Variants in TRAK1 observed in about 807,000 individuals in gnomAD.
TRAK1 encodes the protein trafficking kinesin protein 1.
TRAK1 carries 33 observed loss-of-function variants against 92.1 expected under a neutral mutation model. That is an observed-to-expected ratio of 0.36 (90% confidence interval 0.27 to 0.48). The LOEUF (loss-of-function observed/expected upper bound fraction) is 0.48, where lower values mean the gene tolerates loss of function less well. TRAK1 is among the 20% of genes least tolerant of loss of function. The probability of loss-of-function intolerance (pLI) is 0.99; values close to 1 mark genes in which losing one functional copy is unlikely to be tolerated. For missense variants in TRAK1, 1,123 were observed against 1,257.9 expected, an observed-to-expected ratio of 0.89 and a Z score of 1.62; for synonymous variants, 521 against 517.3, an observed-to-expected ratio of 1.01 and a Z score of -0.10.
rs1429261019 is a variant in TRAK1 at position 42,140,624 on chromosome 3, C to T, written c.286+15010C>T. 2.0e-5 allele frequency among the ~76,000 whole-genome samples: 3 copies of T among 152,214 alleles called. 1 individual carries two copies. Among genetic ancestry groups the T allele is most frequent in the African/African-American group, 7.2e-5 (3 of 41,462 alleles). On this transcript the variant is annotated intron_variant, in intron 2 of 15. Transcript: ENST00000327628. The stretch of plus-strand genomic sequence containing the variant: ...CCTGGGCGACAGAGTGAGACTCCAT[C>T]TCTGAATAAATGAATAAAATAAAGA...
chr3:42,082,659 A>G (rs2148952773), upstream of TRAK1, among the ~76,000 whole-genome samples: 1 of 152,086 alleles, frequency 6.6e-6, no homozygotes, highest in African/African-American at 2.4e-5. Context: ...CCTTTGTTAA[A>G]AAAAAAAACA....
intron 10 of TRAK1, among the ~76,000 whole-genome samples, chr3:42,197,668 T>A (rs1209831315): frequency 6.6e-6 from 1 of 152,200 alleles, no homozygotes; most frequent in East Asian, 1.9e-4. Context: ...TTACTGGACA[T>A]AACGTTTAAT....
chr3:42,159,370 G>A (rs1246420130), intron 2 of TRAK1, among the ~76,000 whole-genome samples: 4 of 152,138 alleles, frequency 2.6e-5, no homozygotes, highest in Non-Finnish European at 4.4e-5. Context: ...TACAGAATGA[G>A]CTGTGATTCT....
In TRAK1 at chr3:42,202,613, C is replaced by T. The variant is rs375194394; in HGVS notation, c.1605C>T (p.Ser535=). 117 of 1,598,798 alleles carry T rather than the reference C, an allele frequency of 7.3e-5. No homozygotes were observed. Among genetic ancestry groups the T allele is most frequent in the Middle Eastern group, 1.7e-4 (1 of 6,042 alleles). Residue 535 remains serine, a synonymous_variant, in exon 13 of 16, where the codon AGC becomes AGT. Transcript: ENST00000327628. This position sits in a 1 kb window ranked among gnomAD's most constrained non-coding sequence, Gnocchi z 6.1. ...TGGCGGAGAAGGGCGAGCTGCGCAG[C>T]GGCTCCCTCACACCCACTGAGAGCA... The part of the protein sequence containing the change: ...QELAEKGELR[S]GSLTPTESIM...
At chr3:42,135,554 C>T (rs886708738) in intron 2 of TRAK1, among the ~76,000 whole-genome samples, 1 of 152,112 alleles carries the variant, frequency 6.6e-6, no homozygotes, top group African/African-American at 2.4e-5. Context: ...AAACGAGACC[C>T]CATCTCTACA....
At chr3:42,151,620 A>G (rs1054973494) in intron 2 of TRAK1, among the ~76,000 whole-genome samples, 1 of 152,204 alleles carries the variant, frequency 6.6e-6, no homozygotes, top group African/African-American at 2.4e-5. Flanking sequence ...GGAATAAAGG[A>G]ACAGAAGTCC....
chr3:42,199,625 TA>T (rs985187473), intron 11 of TRAK1, among the ~76,000 whole-genome samples: 1 of 152,108 alleles, frequency 6.6e-6, no homozygotes, highest in African/African-American at 2.4e-5. Flanking sequence ...CCAGCTAATT[TA>T]AAAAAATCTT....
chr3:42,114,772 G>A (rs745774425), intron 1 of TRAK1, among the ~76,000 whole-genome samples: 14 of 151,514 alleles, frequency 9.2e-5, no homozygotes, highest in Non-Finnish European at 1.6e-4. Flanking sequence ...GAGTGCAATC[G>A]TGCGATCTCA....
intron 2 of TRAK1, among the ~76,000 whole-genome samples, chr3:42,146,731 T>G (rs571781709): frequency 6.6e-6 from 1 of 152,274 alleles, no homozygotes; most frequent in South Asian, 2.1e-4. Flanking sequence ...GTTTTAAAAT[T>G]TTTTTGTAGA....
chr3:42,129,954 CTG>C lies in TRAK1; in HGVS notation c.286+4342_286+4343del, dbSNP rs1252684338. Among the ~76,000 whole-genome samples the C allele has an allele frequency of 2.6e-5, 4 of 152,122 alleles. No individual in the cohort carries two copies. In the South Asian group the frequency reaches 8.3e-4, roughly 32 times the overall value. On this transcript the variant is annotated intron_variant, in intron 2 of 15. Transcript: ENST00000327628. ...CCCATCAAAACCTTAGTTTCAAAAT[CTG>C]TCAGTAGCTTATTTATTTATAAATA...
At chr3:42,203,694 G>A in intron 13 of TRAK1, 2 of 985,112 alleles carry the variant, frequency 2.0e-6, no homozygotes, top group Non-Finnish European at 1.2e-6. Context: ...CTTCTGTAAG[G>A]CAGAACTTTC....
At chr3:42,067,407 A>G (rs754101557) in intron 1 of TRAK1, among the ~76,000 whole-genome samples, 1 of 152,246 alleles carries the variant, frequency 6.6e-6, no homozygotes, top group African/African-American at 2.4e-5. Flanking sequence ...TCGATCCTAC[A>G]GTGAAGTCAA....
intron 1 of TRAK1, among the ~76,000 whole-genome samples, chr3:42,078,896 A>C (rs982624225): frequency 1.3e-5 from 2 of 152,104 alleles, no homozygotes; most frequent in African/African-American, 4.8e-5. Flanking sequence ...AAATCTGGAG[A>C]GAAGCCTCCA....
intron 1 of TRAK1, among the ~76,000 whole-genome samples, chr3:42,056,051 G>T (rs1239695606): frequency 6.6e-6 from 1 of 152,074 alleles, no homozygotes; most frequent in Non-Finnish European, 1.5e-5. Flanking sequence ...CCATTGTTAT[G>T]TATTTTTAAT....
intron 1 of TRAK1, among the ~76,000 whole-genome samples, chr3:42,024,340 A>T (rs1701840218): frequency 6.6e-6 from 1 of 152,212 alleles, no homozygotes. Flanking sequence ...GTTTATACAT[A>T]GTAGGTATGC....
chr3:42,216,475 C>T (rs953242891), intron 14 of TRAK1, among the ~76,000 whole-genome samples: 2 of 152,192 alleles, frequency 1.3e-5, no homozygotes, highest in African/African-American at 4.8e-5. Context: ...TGAGGTCTCA[C>T]TCTGTAAGAG....
At chr3:42,136,895 C>T in intron 2 of TRAK1, among the ~76,000 whole-genome samples, 1 of 152,116 alleles carries the variant, frequency 6.6e-6, no homozygotes, top group East Asian at 1.9e-4. Flanking sequence ...GTTGGCCAGG[C>T]TGGTCTCAAA....
chr3:42,048,159 C>G (rs1702833323), intron 1 of TRAK1, among the ~76,000 whole-genome samples: 1 of 152,158 alleles, frequency 6.6e-6, no homozygotes, highest in East Asian at 1.9e-4. Context: ...TGTATGTTGT[C>G]TTTTTCAATC....
intron 1 of TRAK1, among the ~76,000 whole-genome samples, chr3:42,049,894 C>T (rs1702912749): frequency 6.6e-6 from 1 of 152,082 alleles, no homozygotes; most frequent in Non-Finnish European, 1.5e-5. Context: ...TGGCTTCTTT[C>T]TCTGTTTGCT....
Sources: allele counts gnomAD v4.1 joint callset (sites outside exome capture counted in the v4.1 genomes callset), GRCh38; gene constraint gnomAD v4.1.1; non-coding constraint Gnocchi (gnomAD v3.1); transcripts MANE v1.5; gene names NCBI Gene and HGNC (gene_info 2026-07-23, HGNC 2026-07-21).